LARGE1: variants seen among roughly 807,000 people sequenced by gnomAD.
The protein encoded by LARGE1 is LARGE xylosyl- and glucuronyltransferase 1.
A neutral mutation model predicts 87.6 loss-of-function variants in LARGE1; 43 were observed. The ratio of observed to expected loss-of-function variants is 0.49; its 90% confidence interval spans 0.38 to 0.63. The LOEUF (loss-of-function observed/expected upper bound fraction) is 0.63, where lower values mean the gene tolerates loss of function less well. LARGE1 is among the 30% of genes least tolerant of loss of function. LARGE1 has a pLI of 0.00. For missense variants in LARGE1, 802 were observed against 1,000.2 expected (o/e 0.80, Z 2.67); for synonymous variants, 434 against 394.6 (o/e 1.10, Z -1.18).
chr22:33,884,073 G>C (rs2064774993), intron 1 of LARGE1, among the ~76,000 whole-genome samples: 2 of 152,186 alleles, frequency 1.3e-5, no homozygotes. Context: ...GTTGTGTGAT[G>C]AATCAATGAG....
chr22:33,665,397 A>T (rs931161523), intron 2 of LARGE1, among the ~76,000 whole-genome samples: 3 of 152,220 alleles, frequency 2.0e-5, no homozygotes, highest in African/African-American at 7.2e-5. Context: ...AGCACTCAAA[A>T]GACACATCTT....
At chr22:33,134,628 T>C in the LARGE1 span, among the ~76,000 whole-genome samples, 1 of 152,174 alleles carries the variant, frequency 6.6e-6, no homozygotes, top group African/African-American at 2.4e-5. Context: ...ACGGCAGTCA[T>C]TGAGCATGTA....
intron 11 of LARGE1, among the ~76,000 whole-genome samples, chr22:33,246,040 G>A (rs1001621292): frequency 4.6e-5 from 7 of 152,198 alleles, no homozygotes; most frequent in Non-Finnish European, 1.0e-4. Flanking sequence ...TCAAGGAACT[G>A]TCAAGCTTGA....
intron 4 of LARGE1, among the ~76,000 whole-genome samples, chr22:33,622,574 C>G (rs1465788952): frequency 6.6e-6 from 1 of 152,220 alleles, no homozygotes; most frequent in Non-Finnish European, 1.5e-5. Context: ...TCCTGCCCAA[C>G]CTGCTGCCAC....
At position 33,622,062 on chromosome 22, in the gene LARGE1, T is replaced by A. The variant is rs1468020600; in HGVS notation, c.491+4182A>T. Among the ~76,000 whole-genome samples, 3 of 152,280 alleles carry A rather than the reference T, an allele frequency of 2.0e-5. No homozygotes were observed. In the East Asian group the frequency reaches 5.8e-4, roughly 29 times the overall value. On this transcript the variant is annotated intron_variant, in intron 4 of 14. Transcript: ENST00000397394. Reference sequence around the variant, plus strand: ...AGTTTTGGGATGATTGAAGTGGTGCTACTTGGCAACCTCCTGGTGCCACCC... The same window carrying A: ...AGTTTTGGGATGATTGAAGTGGTGCAACTTGGCAACCTCCTGGTGCCACCC...
At chr22:33,092,778 C>T in the LARGE1 span, among the ~76,000 whole-genome samples, 5 of 152,250 alleles carry the variant, frequency 3.3e-5, no homozygotes, top group South Asian at 1.0e-3. Context: ...CCAGCTCCAT[C>T]CATGTCCCTG....
chr22:33,166,676 C>T (rs955879455), exon 12 of LARGE1: 3 of 461,370 alleles, frequency 6.5e-6, no homozygotes, highest in South Asian at 1.6e-5. Flanking sequence ...TTGGCTTCAA[C>T]GTTGAGCCGT....
At chr22:33,831,465 G>A (rs568327694) in intron 1 of LARGE1, among the ~76,000 whole-genome samples, 19 of 152,248 alleles carry the variant, frequency 1.2e-4, no homozygotes, top group Admixed American at 2.6e-4. Flanking sequence ...GAGCCCTGCC[G>A]TGAGGACGGA....
chr22:33,090,072 G>T, the LARGE1 span, among the ~76,000 whole-genome samples: 1 of 152,104 alleles, frequency 6.6e-6, no homozygotes, highest in Non-Finnish European at 1.5e-5. Context: ...CAGATGTGGT[G>T]GTGGGCACCT....
chr22:33,222,537 C>T (rs1342054336), intron 11 of LARGE1, among the ~76,000 whole-genome samples: 1 of 152,156 alleles, frequency 6.6e-6, no homozygotes, highest in Non-Finnish European at 1.5e-5. Context: ...ACATTATCCT[C>T]GATTATCCGG....
intron 11 of LARGE1, among the ~76,000 whole-genome samples, chr22:33,186,858 AAATT>A (rs1180257162): frequency 1.3e-5 from 2 of 152,204 alleles, no homozygotes; most frequent in Non-Finnish European, 1.5e-5. Context: ...AAAATTTTGA[AAATT>A]AATTCATAAT....
intron 6 of LARGE1, among the ~76,000 whole-genome samples, chr22:33,454,741 G>A (rs554280431): frequency 3.9e-5 from 6 of 152,234 alleles, no homozygotes; most frequent in South Asian, 2.1e-4. Context: ...CAGTCATGGC[G>A]GAAGGCAAAA....
intron 2 of LARGE1, among the ~76,000 whole-genome samples, chr22:33,711,679 C>A (rs1454173718): frequency 6.6e-6 from 1 of 152,210 alleles, no homozygotes; most frequent in Non-Finnish European, 1.5e-5. Flanking sequence ...TGGGGTCTCA[C>A]TTTATCACCC....
intron 6 of LARGE1, among the ~76,000 whole-genome samples, chr22:33,520,164 C>A (rs1044333780): frequency 2.0e-5 from 3 of 152,022 alleles, no homozygotes; most frequent in African/African-American, 7.2e-5. Flanking sequence ...GCTGCCACGC[C>A]TGGCTAATTT....
At chr22:33,397,707 T>C (rs1378899823) in intron 7 of LARGE1, among the ~76,000 whole-genome samples, 10 of 152,224 alleles carry the variant, frequency 6.6e-5, no homozygotes. Context: ...AAGTGGAATT[T>C]CCAGGTCATT....
chr22:33,822,812 G>A (rs1423142921), intron 1 of LARGE1, among the ~76,000 whole-genome samples: 1 of 152,192 alleles, frequency 6.6e-6, no homozygotes, highest in Non-Finnish European at 1.5e-5. Context: ...CCAGTCACAC[G>A]TAGGAATGAT....
intron 7 of LARGE1, among the ~76,000 whole-genome samples, chr22:33,406,345 G>T (rs1401426133): frequency 6.6e-6 from 1 of 151,886 alleles, no homozygotes; most frequent in African/African-American, 2.4e-5. Flanking sequence ...CTTGAGATCC[G>T]ACCCACAAAG....
chr22:33,166,661 C>G (rs573463108), exon 12 of LARGE1: 79 of 446,880 alleles, frequency 1.8e-4, no homozygotes, highest in South Asian at 1.1e-3. Context: ...CTGGCACGTA[C>G]CACTTTGGCT....
intron 11 of LARGE1, among the ~76,000 whole-genome samples, chr22:33,188,786 C>T (rs1923621549): frequency 6.6e-6 from 1 of 152,196 alleles, no homozygotes; most frequent in South Asian, 2.1e-4. Flanking sequence ...GATAGCTGGA[C>T]CACTGCCAAT....
Sources: gnomAD v4.1 joint callset for allele counts (sites outside exome capture counted in the v4.1 genomes callset) on GRCh38, gnomAD v4.1.1 for gene constraint, MANE v1.5 for transcripts, NCBI Gene and HGNC (gene_info 2026-07-23, HGNC 2026-07-21) for gene names.